BRD3: variants seen among roughly 807,000 people sequenced by gnomAD.
The protein encoded by BRD3 is bromodomain-containing protein 3.
BRD3 carries 17 observed loss-of-function variants against 66.8 expected under a neutral mutation model. That is an observed-to-expected ratio of 0.25 (90% confidence interval 0.17 to 0.38). The LOEUF is 0.38. BRD3 is among the 10% of genes least tolerant of loss of function. The pLI is 1.00. For missense variants in BRD3, 713 were observed against 956.1 expected (o/e 0.75, Z 3.35); for synonymous variants, 421 against 393.2 (o/e 1.07, Z -0.84).
chr9:134,059,456 G>A (rs1167139652), intron 1 of BRD3, among the ~76,000 whole-genome samples: 1 of 152,190 alleles, frequency 6.6e-6, no homozygotes, highest in African/African-American at 2.4e-5. Context: ...GGAAGGCAGC[G>A]GTGCCAGAGA....
rs957896618 is a variant in BRD3, at chr9:134,031,293, C to A, written c.*2297G>T. On this transcript the variant is annotated 3_prime_UTR_variant, in exon 12 of 12. Transcript: ENST00000303407. ...CCCCCGACGGCTCACACAGGCAGCA[C>A]CTCACTGCCCTGTGGCTGGAGGGGC... 9.6e-6 allele frequency: 2 copies of A among 209,166 alleles called. No individual in the cohort carries two copies. Among genetic ancestry groups the A allele is most frequent in the Non-Finnish European group, 1.9e-5 (2 of 102,848 alleles). 13.0% of individuals were successfully genotyped at this position (209,166 alleles called of 1,614,324 possible).
At chr9:134,041,497 CCT>C (rs1183442633) in intron 8 of BRD3, among the ~76,000 whole-genome samples, 3 of 152,330 alleles carry the variant, frequency 2.0e-5, no homozygotes, top group Admixed American at 6.5e-5. Flanking sequence ...ACACATGACC[CCT>C]GAGCTCCCAC....
chr9:134,037,508 T>C (rs373727965), intron 9 of BRD3, among the ~76,000 whole-genome samples: 2 of 151,814 alleles, frequency 1.3e-5, no homozygotes, highest in Admixed American at 1.3e-4. Context: ...GAGGCGGAGG[T>C]TGCAGTGAGC....
chr9:134,037,884 C>G (rs1247680080), intron 9 of BRD3, among the ~76,000 whole-genome samples: 1 of 152,092 alleles, frequency 6.6e-6, no homozygotes, highest in Non-Finnish European at 1.5e-5. Context: ...GAAATACTAA[C>G]CAATAGACTT....
At chr9:134,041,546 C>T (rs1011575117) in intron 8 of BRD3, among the ~76,000 whole-genome samples, 3 of 152,256 alleles carry the variant, frequency 2.0e-5, no homozygotes, top group Admixed American at 1.3e-4. Context: ...ATCCCAGCCA[C>T]GTGTCCCCGC....
At chr9:134,060,587 G>GACACACACACACACACACACACAC (rs10661799) in intron 1 of BRD3, among the ~76,000 whole-genome samples, 13 of 143,778 alleles carry the variant, frequency 9.0e-5, no homozygotes, top group African/African-American at 3.1e-4. Context: ...GCAAGACCCT[G>GACACACACACACACACACACACAC]ACACACACAC....
Position 134,052,202 on chromosome 9 carries a change from G to A in BRD3, c.351+104C>T, listed in dbSNP as rs1363400518. The A allele has an allele frequency of 1.5e-5, 21 of 1,446,040 alleles. No homozygotes were observed. In the East Asian group the frequency reaches 3.2e-4, roughly 22 times the overall value. The allele number at this position is 1,446,040 out of a possible 1,614,324, so 89.6% of individuals were successfully genotyped here. A position where few individuals can be genotyped will look rare whatever the true frequency, so the allele number is the denominator to read the frequency against. ...GCCACGGCACCCAGCCAGGTGAAGC[G>A]CTTTGGGCCTGCCCAAGAGCTGCTG... On this transcript the variant is annotated intron_variant, in intron 3 of 11. Transcript: ENST00000303407.
chr9:134,061,884 T>C (rs1008819887), intron 1 of BRD3, among the ~76,000 whole-genome samples: 7 of 152,122 alleles, frequency 4.6e-5, no homozygotes, highest in Non-Finnish European at 1.0e-4. Flanking sequence ...GAGCTGAGTC[T>C]GTGAGAAGGG....
At position 134,031,979 on chromosome 9, in the gene BRD3, C is replaced by T; in HGVS notation, c.*1611G>A. The T allele has an allele frequency of 4.6e-6, 1 of 216,858 alleles. No homozygotes were observed. 13.4% of individuals were successfully genotyped at this position (216,858 alleles called of 1,614,324 possible). ...AGGGAATCCTCCTGGGGCCCAGAGA[C>T]TCCTCCACCCCTGGGGAGGGCAGAC... is the stretch of plus-strand genomic sequence containing the variant. On this transcript the variant is annotated 3_prime_UTR_variant, in exon 12 of 12. Transcript: ENST00000303407.
intron 8 of BRD3, among the ~76,000 whole-genome samples, chr9:134,041,547 G>A (rs1297351548): frequency 6.6e-6 from 1 of 152,314 alleles, no homozygotes; most frequent in African/African-American, 2.4e-5. Flanking sequence ...TCCCAGCCAC[G>A]TGTCCCCGCA....
rs1284855332 is a variant in BRD3 at position 134,031,427 on chromosome 9, A to G, written c.*2163T>C. On this transcript the variant is annotated 3_prime_UTR_variant, in exon 12 of 12. Transcript: ENST00000303407. ...AACCAGCCTGCGTGAAGACCTGTCA[A>G]CTGTCGTGTGTGAATTCCTTAAATT... 4.8e-6 allele frequency: 1 copy of G among 207,248 alleles called. No homozygotes were observed. Among genetic ancestry groups the G allele is most frequent in the Non-Finnish European group, 9.8e-6 (1 of 101,608 alleles). 12.8% of individuals were successfully genotyped at this position (207,248 alleles called of 1,614,324 possible). A position where few individuals can be genotyped will look rare whatever the true frequency, so the allele number is the denominator to read the frequency against.
chr9:134,061,039 T>C (rs1033005298), intron 1 of BRD3, among the ~76,000 whole-genome samples: 3 of 152,252 alleles, frequency 2.0e-5, no homozygotes, highest in African/African-American at 4.8e-5. Context: ...ATCTGTCCAG[T>C]TGCCACCAAA....
At chr9:134,064,632 G>A (rs907056181) in intron 1 of BRD3, among the ~76,000 whole-genome samples, 3 of 152,034 alleles carry the variant, frequency 2.0e-5, no homozygotes, top group Admixed American at 6.5e-5. Context: ...AGGCAGAGAC[G>A]GGTGGGTCAC....
In BRD3 at chr9:134,048,143, G is replaced by T. The variant is rs1762412898; in HGVS notation, c.1026C>A (p.Ala342=). Residue 342 remains alanine, a synonymous_variant, in exon 6 of 12, where the codon GCC becomes GCA. Transcript: ENST00000303407. Reference sequence around the variant, plus strand: ...TGTCGTGGTAGTCGTGCAGCTCCAGGGCCTCGGCATCCACTGGCTTGTAGA... The same window carrying T: ...TGTCGTGGTAGTCGTGCAGCTCCAGTGCCTCGGCATCCACTGGCTTGTAGA... ...WPFYKPVDAE[A]LELHDYHDII... 6.2e-7 allele frequency: 1 copy of T among 1,608,374 alleles called. No homozygotes were observed. Among genetic ancestry groups the T allele is most frequent in the African/African-American group, 1.3e-5 (1 of 74,860 alleles).
intron 4 of BRD3, among the ~76,000 whole-genome samples, 159 bp downstream of exon 4, chr9:134,051,403 A>G (rs1402222503): frequency 6.6e-6 from 1 of 152,164 alleles, no homozygotes; most frequent in African/African-American, 2.4e-5. Flanking sequence ...TGCCCCTCCA[A>G]CATCACCCAC....
chr9:134,049,341 C>A (rs73560515), intron 5 of BRD3, among the ~76,000 whole-genome samples: 2 of 152,180 alleles, frequency 1.3e-5, no homozygotes, highest in African/African-American at 4.8e-5. Flanking sequence ...CTTAGCCCAG[C>A]GGGAGAGGAG....
intron 1 of BRD3, among the ~76,000 whole-genome samples, chr9:134,060,587 G>GACACACACACAC (rs10661799): frequency 0.02 from 2,845 of 143,812 alleles, 44 homozygotes; most frequent in African/African-American, 0.032. Context: ...GCAAGACCCT[G>GACACACACACAC]ACACACACAC....
chr9:134,031,523 A>T lies in BRD3; in HGVS notation c.*2067T>A, dbSNP rs555025118. On this transcript the variant is annotated 3_prime_UTR_variant, in exon 12 of 12. Coordinates refer to ENST00000303407, the MANE Select transcript of BRD3 (RefSeq NM_007371.4). ...AAACGAGGGTAACTTTAAAAAATGGAAACTTTCAAATCCATTTATATTTTT... is the reference window on the plus strand; with the variant it reads ...AAACGAGGGTAACTTTAAAAAATGGTAACTTTCAAATCCATTTATATTTTT... The T allele has an allele frequency of 5.0e-6, 1 of 202,006 alleles. No individual in the cohort carries two copies. The highest frequency in any genetic ancestry group is 1.0e-5 in the Non-Finnish European group (1 of 98,354). 12.5% of individuals were successfully genotyped at this position (202,006 alleles called of 1,614,324 possible).
chr9:134,068,525 A>C (rs1830719432), upstream of BRD3: 1 of 148,730 alleles, frequency 6.7e-6, no homozygotes, highest in Middle Eastern at 3.8e-3. Context: ...CCGCGCGCCT[A>C]ATTAGCCTGG....
Sources: allele counts gnomAD v4.1 joint callset (sites outside exome capture counted in the v4.1 genomes callset), GRCh38; gene constraint gnomAD v4.1.1; transcripts MANE v1.5; gene names NCBI Gene and HGNC (gene_info 2026-07-23, HGNC 2026-07-21).